Variants in SNAP91 observed in about 807,000 individuals in gnomAD.
The protein encoded by SNAP91 is synaptosome associated protein 91.
SNAP91 carries 27 observed loss-of-function variants against 100.3 expected under a neutral mutation model. The observed-to-expected ratio is 0.27, with a 90% CI of 0.20 to 0.37. The LOEUF (loss-of-function observed/expected upper bound fraction) is 0.37, where lower values mean the gene tolerates loss of function less well. Ranked by LOEUF, SNAP91 falls within the 10% of genes least tolerant of loss-of-function variation. The pLI, the probability that SNAP91 is intolerant of heterozygous loss-of-function variation, is 1.00. For missense variants in SNAP91, 986 were observed against 1,123.7 expected (o/e 0.88, Z 1.75); for synonymous variants, 404 against 398.6 (o/e 1.01, Z -0.16).
chr6:83,650,847 C>T (rs1393863968), intron 7 of SNAP91, among the ~76,000 whole-genome samples: 1 of 152,192 alleles, frequency 6.6e-6, no homozygotes, highest in South Asian at 2.1e-4. Context: ...TAATTTCTCA[C>T]TTAAATGCTT....
intron 8 of SNAP91, among the ~76,000 whole-genome samples, chr6:83,639,899 G>A (rs190703655): frequency 5.3e-5 from 8 of 152,098 alleles, no homozygotes; most frequent in Admixed American, 2.6e-4. Context: ...GATAATTACG[G>A]TTAAACCATG....
chr6:83,674,029 A>G (rs990333472), intron 2 of SNAP91, among the ~76,000 whole-genome samples: 1 of 152,214 alleles, frequency 6.6e-6, no homozygotes, highest in African/African-American at 2.4e-5. Context: ...TGGGAGTTAT[A>G]GAAAGCACCT....
chr6:83,683,573 C>A (rs1398380244), intron 2 of SNAP91, among the ~76,000 whole-genome samples: 1 of 152,150 alleles, frequency 6.6e-6, no homozygotes, highest in Non-Finnish European at 1.5e-5. Context: ...GAGGTCCCGA[C>A]CAGAAGCAGG....
intron 23 of SNAP91, among the ~76,000 whole-genome samples, chr6:83,581,285 A>AT (rs1328417090): frequency 6.6e-6 from 1 of 152,198 alleles, no homozygotes; most frequent in Middle Eastern, 3.4e-3. Context: ...AATAATTTTG[A>AT]TTTTTTTCTC....
rs374662830 is a variant in SNAP91, at chr6:83,592,492, T to C, written c.1893A>G (p.Ala631=). The change falls in exon 21 of 30, where the codon GCA becomes GCG. Residue 631 remains alanine, a synonymous_variant. Transcript: ENST00000369694. The part of the protein sequence containing the change: ...APSPATTASP[A]KVDSSGVIDL... ...CTATGACACCTGAAGAATCCACCTT[T>C]GCTGGCGAGGCAGTGGTTGCAGGAG... is the stretch of plus-strand genomic sequence containing the variant. 121 of 1,612,218 alleles carry C rather than the reference T, an allele frequency of 7.5e-5. No homozygotes were observed. The highest frequency in any genetic ancestry group is 4.0e-4 in the Admixed American group (24 of 59,906).
intron 22 of SNAP91, among the ~76,000 whole-genome samples, chr6:83,589,956 A>T (rs2093480529): frequency 6.6e-6 from 1 of 152,188 alleles, no homozygotes; most frequent in African/African-American, 2.4e-5. Context: ...AAAAAAGGGA[A>T]CTATTCATAT....
intron 26 of SNAP91, among the ~76,000 whole-genome samples, chr6:83,563,545 A>G (rs891518915): frequency 6.6e-6 from 1 of 152,192 alleles, no homozygotes; most frequent in Non-Finnish European, 1.5e-5. Flanking sequence ...CCAGGTGGGA[A>G]AGAAAGAATG....
chr6:83,583,692 C>T (rs574623755), intron 22 of SNAP91, among the ~76,000 whole-genome samples: 3 of 152,288 alleles, frequency 2.0e-5, no homozygotes, highest in East Asian at 3.9e-4. Flanking sequence ...AATCCAGCCA[C>T]ATTGTCTCTT....
intron 2 of SNAP91, among the ~76,000 whole-genome samples, chr6:83,703,002 G>C (rs1034363174): frequency 6.6e-6 from 1 of 151,940 alleles, no homozygotes; most frequent in African/African-American, 2.4e-5. Flanking sequence ...AATCACACAC[G>C]TTGGGCCCAT....
chr6:83,625,953 T>A lies in SNAP91; in HGVS notation c.766-2611A>T, dbSNP rs968282496. Among the ~76,000 whole-genome samples the A allele has an allele frequency of 2.0e-5, 3 of 152,142 alleles. No individual in the cohort carries two copies. In the East Asian group the frequency reaches 5.8e-4, roughly 29 times the overall value. On this transcript the variant is annotated intron_variant, in intron 8 of 29. Transcript: ENST00000369694. Reference sequence around the variant, plus strand: ...CATAAATTCTTTGCCAAGGCCAACATCCAGAAGGGCATTTTCTAAGTTTCC... The same window carrying A: ...CATAAATTCTTTGCCAAGGCCAACAACCAGAAGGGCATTTTCTAAGTTTCC...
intron 5 of SNAP91, among the ~76,000 whole-genome samples, chr6:83,661,264 A>AT (rs1480026194): frequency 6.6e-6 from 1 of 152,212 alleles, no homozygotes; most frequent in East Asian, 1.9e-4. Flanking sequence ...GAAGAAAAAA[A>AT]TTTTATAGCA....
At chr6:83,590,094 A>G (rs762782174) in intron 22 of SNAP91, among the ~76,000 whole-genome samples, 2 of 152,182 alleles carry the variant, frequency 1.3e-5, no homozygotes, top group Non-Finnish European at 2.9e-5. Flanking sequence ...CCTTAGGACC[A>G]AAATTCAACC....
intron 28 of SNAP91, among the ~76,000 whole-genome samples, chr6:83,559,075 T>A (rs941547681): frequency 6.6e-5 from 10 of 152,208 alleles, no homozygotes; most frequent in Admixed American, 4.6e-4. Flanking sequence ...TAAATCCTTA[T>A]AATTTCTCAA....
chr6:83,566,695 G>C (rs1797086666), intron 26 of SNAP91, among the ~76,000 whole-genome samples: 1 of 152,120 alleles, frequency 6.6e-6, no homozygotes, highest in Admixed American at 6.6e-5. Flanking sequence ...CTAGCACCTT[G>C]AGTTCTCATG....
At chr6:83,564,928 CT>C in intron 26 of SNAP91, among the ~76,000 whole-genome samples, 1 of 151,370 alleles carries the variant, frequency 6.6e-6, no homozygotes, top group Non-Finnish European at 1.5e-5. Context: ...AAATTAAGAA[CT>C]TTTGTGCATC....
At chr6:83,575,346 A>G (rs917545734) in intron 25 of SNAP91, 3 of 527,028 alleles carry the variant, frequency 5.7e-6, no homozygotes, top group Admixed American at 3.5e-5. Flanking sequence ...TTGGACCTCA[A>G]TAAGTATAGG....
At chr6:83,604,432 A>G (rs900225925) in intron 14 of SNAP91, among the ~76,000 whole-genome samples, 1 of 152,176 alleles carries the variant, frequency 6.6e-6, no homozygotes, top group South Asian at 2.1e-4. Flanking sequence ...ACGTGCCAAC[A>G]TTTTAAATGT....
At position 83,689,025 on chromosome 6, in the gene SNAP91, T is replaced by C. The variant is rs528596711; in HGVS notation, c.130+18773A>G. 7.2e-5 allele frequency among the ~76,000 whole-genome samples: 11 copies of C among 152,164 alleles called. No individual in the cohort carries two copies. The East Asian group carries it at 2.1e-3, about 29-fold the overall frequency. ...GCTTACCTATACCCCCAACCCCCAG[T>C]GAAATTAAGTGTTGCTTAGAAGTAG... On this transcript the variant is annotated intron_variant, in intron 2 of 29. Coordinates refer to ENST00000369694, the MANE Select transcript of SNAP91 (RefSeq NM_001242792.2).
At position 83,607,792 on chromosome 6, in the gene SNAP91, G is replaced by A. The variant is rs1004821883; in HGVS notation, c.929C>T (p.Thr310Ile). ...TGGTGTAGAATTAGGAGACGTAACA[G>A]TTGTGGCTGGAGAAGACTGAAAGTG... ...SPLSKSSPAT[T>I]VTSPNSTPAK... The change falls in exon 13 of 30, where the codon ACT (threonine) becomes ATT (isoleucine). Residue 310 changes from threonine to isoleucine, a missense_variant. Coordinates refer to ENST00000369694, the MANE Select transcript of SNAP91 (RefSeq NM_001242792.2). 3 of 1,585,438 alleles carry A rather than the reference G, an allele frequency of 1.9e-6. No individual in the cohort carries two copies. The African/African-American group carries it at 4.0e-5, about 21-fold the overall frequency.
Sources: gnomAD v4.1 joint callset for allele counts (sites outside exome capture counted in the v4.1 genomes callset) on GRCh38, gnomAD v4.1.1 for gene constraint, MANE v1.5 for transcripts, NCBI Gene and HGNC (gene_info 2026-07-23, HGNC 2026-07-21) for gene names.